Variants in MLLT3 observed in about 807,000 individuals in gnomAD.
The protein encoded by MLLT3 is protein AF-9.
In MLLT3, 4 loss-of-function variants were observed where a neutral mutation model predicts 53.2. The observed-to-expected ratio is 0.08, with a 90% CI of 0.04 to 0.17. MLLT3 has a LOEUF of 0.17. Ranked by LOEUF, MLLT3 falls within the 10% of genes least tolerant of loss-of-function variation. MLLT3 has a pLI of 1.00. For synonymous variants in MLLT3, 283 were observed against 230.6 expected, an observed-to-expected ratio of 1.23 and a Z score of -2.06; for missense variants, 569 against 684.0, an observed-to-expected ratio of 0.83 and a Z score of 1.87.
chr9:20,459,740 A>G (rs575238468), intron 2 of MLLT3, among the ~76,000 whole-genome samples: 1 of 152,266 alleles, frequency 6.6e-6, no homozygotes, highest in South Asian at 2.1e-4. Flanking sequence ...CCCACCCTTT[A>G]AAGGAAATGA....
intron 8 of MLLT3, among the ~76,000 whole-genome samples, chr9:20,355,628 A>C (rs1821153903): frequency 6.6e-6 from 1 of 152,236 alleles, no homozygotes; most frequent in South Asian, 2.1e-4. Flanking sequence ...GAGGATTAAA[A>C]GGGAAGTATT....
chr9:20,513,331 C>G (rs1174577904), intron 2 of MLLT3, among the ~76,000 whole-genome samples: 1 of 152,186 alleles, frequency 6.6e-6, no homozygotes, highest in Non-Finnish European at 1.5e-5. Flanking sequence ...AGGTCTGGGT[C>G]TGTCAGTCCG....
chr9:20,511,384 T>G (rs1376141649), intron 2 of MLLT3, among the ~76,000 whole-genome samples: 1 of 152,212 alleles, frequency 6.6e-6, no homozygotes, highest in African/African-American at 2.4e-5. Context: ...TGCAATACCT[T>G]TTCTTCAAAC....
At chr9:20,505,567 G>T (rs1437725904) in intron 2 of MLLT3, among the ~76,000 whole-genome samples, 1 of 152,150 alleles carries the variant, frequency 6.6e-6, no homozygotes, top group Admixed American at 6.5e-5. Flanking sequence ...ATTCGAAGAG[G>T]TTAGCCTATA....
At chr9:20,614,052 T>TTTTA (rs1820764056) in intron 2 of MLLT3, among the ~76,000 whole-genome samples, 1 of 152,180 alleles carries the variant, frequency 6.6e-6, no homozygotes, top group East Asian at 1.9e-4. Context: ...TAAAAGATGA[T>TTTTA]ATGCCACAAG....
chr9:20,460,715 ACTCATG>A (rs1824084411), intron 2 of MLLT3, among the ~76,000 whole-genome samples: 1 of 152,200 alleles, frequency 6.6e-6, no homozygotes, highest in Admixed American at 6.5e-5. Context: ...CTTTTAAAAG[ACTCATG>A]CTACCCTTCA....
intron 10 of MLLT3, among the ~76,000 whole-genome samples, chr9:20,351,338 C>G (rs1034762587): frequency 2.6e-5 from 4 of 152,198 alleles, no homozygotes; most frequent in Non-Finnish European, 1.5e-5. Context: ...GATGCAAATC[C>G]AGGCTTAGAG....
intron 2 of MLLT3, among the ~76,000 whole-genome samples, chr9:20,473,790 C>A: frequency 6.6e-6 from 1 of 152,078 alleles, no homozygotes; most frequent in East Asian, 1.9e-4. Context: ...TAGCTGCAGA[C>A]TGCTTCACAA....
chr9:20,517,415 T>A (rs1322393336), intron 2 of MLLT3, among the ~76,000 whole-genome samples: 1 of 151,158 alleles, frequency 6.6e-6, no homozygotes, highest in Non-Finnish European at 1.5e-5. Flanking sequence ...GGAACCAAGG[T>A]TTTTTAGGGT....
At chr9:20,517,383 T>C (rs1405458073) in intron 2 of MLLT3, among the ~76,000 whole-genome samples, 2 of 150,990 alleles carry the variant, frequency 1.3e-5, no homozygotes, top group Non-Finnish European at 2.9e-5. Context: ...TTGAGGTTTC[T>C]AAATACAATC....
intron 2 of MLLT3, among the ~76,000 whole-genome samples, chr9:20,597,389 C>T (rs1184885103): frequency 1.3e-5 from 2 of 151,764 alleles, no homozygotes; most frequent in African/African-American, 4.8e-5. Context: ...AAATCCTGTC[C>T]ATAAGGAGCT....
intron 2 of MLLT3, among the ~76,000 whole-genome samples, chr9:20,544,313 T>C (rs1818726436): frequency 1.3e-5 from 2 of 152,152 alleles, no homozygotes; most frequent in South Asian, 4.1e-4. Flanking sequence ...CTAATGGGAC[T>C]ATATATACCA....
At chr9:20,413,678 C>G in intron 5 of MLLT3, 43 bp downstream of exon 5, 1 of 1,476,110 alleles carries the variant, frequency 6.8e-7, no homozygotes, top group Non-Finnish European at 9.1e-7. Flanking sequence ...AAAATAAAAT[C>G]TGAAAATAAG....
chr9:20,499,601 T>C (rs1825166800), intron 2 of MLLT3, among the ~76,000 whole-genome samples: 1 of 152,252 alleles, frequency 6.6e-6, no homozygotes, highest in Non-Finnish European at 1.5e-5. Flanking sequence ...CGAAATCATT[T>C]GCAGAATTTA....
chr9:20,605,006 TG>T (rs1820526126), intron 2 of MLLT3, among the ~76,000 whole-genome samples: 1 of 152,072 alleles, frequency 6.6e-6, no homozygotes, highest in Non-Finnish European at 1.5e-5. Context: ...TAAAAACTAC[TG>T]GAAAACTTTT....
At chr9:20,589,165 G>A (rs1255320713) in intron 2 of MLLT3, among the ~76,000 whole-genome samples, 1 of 149,416 alleles carries the variant, frequency 6.7e-6, no homozygotes, top group Non-Finnish European at 1.5e-5. Flanking sequence ...ATTCACAATA[G>A]CAAAGACTTG....
At chr9:20,591,962 C>G (rs1022896321) in intron 2 of MLLT3, among the ~76,000 whole-genome samples, 4 of 151,872 alleles carry the variant, frequency 2.6e-5, no homozygotes, top group African/African-American at 9.7e-5. Context: ...GAGTTCAAGT[C>G]CAGCCTAGGC....
intron 4 of MLLT3, among the ~76,000 whole-genome samples, chr9:20,445,115 G>C (rs1049744752): frequency 1.3e-5 from 2 of 151,908 alleles, no homozygotes; most frequent in Non-Finnish European, 2.9e-5. Context: ...AGTTCGTCGG[G>C]CTAGATCTTA....
In MLLT3 at chr9:20,621,961, T is replaced by C. The variant is rs1821027329; in HGVS notation, c.12+284A>G. 13 of 1,397,632 alleles carry C rather than the reference T, an allele frequency of 9.3e-6. No individual in the cohort carries two copies. Among genetic ancestry groups the C allele is most frequent in the Non-Finnish European group, 1.1e-5 (12 of 1,082,568 alleles). The allele number at this position is 1,397,632 out of a possible 1,614,324, so 86.6% of individuals were successfully genotyped here. A position where few individuals can be genotyped will look rare whatever the true frequency, so the allele number is the denominator to read the frequency against. The stretch of plus-strand genomic sequence containing the variant: ...AGCGAGAGGGAGTGTGTGAGTGCGC[T>C]TCTTGTGACTGCAAAGAGGCGAGGA... On this transcript the variant is annotated intron_variant, in intron 1 of 10. Transcript: ENST00000380338. The surrounding 1 kb of genome is among the most constrained non-coding windows in gnomAD (Gnocchi z 7.0).
Sources: allele counts gnomAD v4.1 joint callset (sites outside exome capture counted in the v4.1 genomes callset), GRCh38; gene constraint gnomAD v4.1.1; non-coding constraint Gnocchi (gnomAD v3.1); transcripts MANE v1.5; gene names NCBI Gene and HGNC (gene_info 2026-07-23, HGNC 2026-07-21).